KLF13: variants seen among roughly 807,000 people sequenced by gnomAD.
KLF13 encodes Krueppel-like factor 13.
KLF13 carries 8 observed loss-of-function variants against 16.7 expected under a neutral mutation model. That is an observed-to-expected ratio of 0.48 (90% CI 0.28 to 0.87). The LOEUF is 0.87. Among genes scored for constraint, KLF13 ranks in the 40% least tolerant of loss-of-function variants. The pLI is 0.10. For synonymous variants in KLF13, 245 were observed against 208.4 expected (o/e 1.18, Z -1.51); for missense variants, 447 against 452.2 (o/e 0.99, Z 0.10).
At chr15:31,328,438 C>T (rs967549949) in intron 1 of KLF13, among the ~76,000 whole-genome samples, 1 of 152,028 alleles carries the variant, frequency 6.6e-6, no homozygotes, top group Admixed American at 6.5e-5. Flanking sequence ...CCGCTCCCCG[C>T]CTGCGGCTCT....
chr15:31,359,751 C>T (rs2039352515), intron 1 of KLF13, among the ~76,000 whole-genome samples: 1 of 152,172 alleles, frequency 6.6e-6, no homozygotes, highest in Non-Finnish European at 1.5e-5. Flanking sequence ...GTCCACGTTC[C>T]CAGGGGCTGT....
At chr15:31,332,875 A>G (rs999213088) in intron 1 of KLF13, among the ~76,000 whole-genome samples, 3 of 152,192 alleles carry the variant, frequency 2.0e-5, no homozygotes, top group Admixed American at 2.0e-4. Flanking sequence ...GTCAACCAGC[A>G]CTGGAACAAG....
chr15:31,327,856 C>A, intron 1 of KLF13, 67 bp downstream of exon 1: 1 of 1,262,440 alleles, frequency 7.9e-7, no homozygotes. Flanking sequence ...CGACCACGCC[C>A]CCGGAGTCCC....
downstream of KLF13, among the ~76,000 whole-genome samples, chr15:31,409,517 AG>A (rs1213181047): frequency 1.3e-5 from 2 of 151,914 alleles, no homozygotes; most frequent in African/African-American, 2.4e-5. Context: ...AGAAAGAGAG[AG>A]AAAGGAGGAA....
chr15:31,330,157 G>A (rs994405679), intron 1 of KLF13, among the ~76,000 whole-genome samples: 1 of 152,180 alleles, frequency 6.6e-6, no homozygotes, highest in African/African-American at 2.4e-5. Context: ...TCTTGCAGAA[G>A]GGAGAAACCC....
At chr15:31,407,580 A>G (rs1403739898), downstream of KLF13, among the ~76,000 whole-genome samples, 1 of 152,222 alleles carries the variant, frequency 6.6e-6, no homozygotes, top group African/African-American at 2.4e-5. Context: ...TTAACCACCC[A>G]TGAACTCATT....
At chr15:31,334,420 TTTTC>T (rs750311289) in intron 1 of KLF13, among the ~76,000 whole-genome samples, 12 of 151,962 alleles carry the variant, frequency 7.9e-5, no homozygotes, top group South Asian at 4.1e-4. Flanking sequence ...CCTGTTTTTC[TTTTC>T]TTTCTTTCTT....
chr15:31,390,528 A>AC (rs1566831715), upstream of KLF13, among the ~76,000 whole-genome samples: 1 of 152,102 alleles, frequency 6.6e-6, no homozygotes, highest in Admixed American at 6.6e-5. Flanking sequence ...TTTTATTTTT[A>AC]CCATCTTCGA....
chr15:31,357,284 G>A (rs183642149), intron 1 of KLF13, among the ~76,000 whole-genome samples: 13 of 152,320 alleles, frequency 8.5e-5, no homozygotes, highest in East Asian at 1.9e-4. Flanking sequence ...AAGTCTTCTC[G>A]TTGCGTGGCC....
intron 1 of KLF13, among the ~76,000 whole-genome samples, chr15:31,363,444 T>C (rs541626954): frequency 2.4e-4 from 37 of 152,384 alleles, no homozygotes; most frequent in Admixed American, 3.3e-4. Flanking sequence ...TTATGGTGAC[T>C]TTGTTCATGG....
rs150151477 is a variant in KLF13 at position 31,334,071 on chromosome 15, C to T, written c.577+6282C>T. Among the ~76,000 whole-genome samples, 195 of 152,310 alleles carry T rather than the reference C, an allele frequency of 1.3e-3. 2 individuals carry two copies. The East Asian group carries it at 0.024, about 19-fold the overall frequency. ...TGGTTTCTACTCCATCTTCCAGCTT[C>T]CTTGACTGGAGAGATGTTGGGGGTT... is the stretch of plus-strand genomic sequence containing the variant. On this transcript the variant is annotated intron_variant, in intron 1 of 1. Transcript: ENST00000307145.
intron 2 of KLF13, among the ~76,000 whole-genome samples, chr15:31,399,634 C>G (rs1274394054): frequency 6.6e-6 from 1 of 152,262 alleles, no homozygotes. Flanking sequence ...GAAACCTGCA[C>G]TAACCTCCGC....
intron 1 of KLF13, among the ~76,000 whole-genome samples, chr15:31,430,169 T>C (rs2040455354): frequency 1.3e-5 from 2 of 152,184 alleles, no homozygotes; most frequent in African/African-American, 4.8e-5. Flanking sequence ...AAGAAACTTT[T>C]CTTCATCAAA....
chr15:31,341,846 G>T (rs1322734750), intron 1 of KLF13, among the ~76,000 whole-genome samples: 1 of 152,160 alleles, frequency 6.6e-6, no homozygotes, highest in African/African-American at 2.4e-5. Context: ...TCCAGCCTCA[G>T]CTTCTGCGTC....
intron 2 of KLF13, among the ~76,000 whole-genome samples, chr15:31,395,410 A>G (rs2039940942): frequency 6.6e-6 from 1 of 152,122 alleles, no homozygotes; most frequent in African/African-American, 2.4e-5. Context: ...TGCTATGAAC[A>G]TGTGTGTACA....
upstream of KLF13, among the ~76,000 whole-genome samples, chr15:31,389,354 C>T (rs2039832454): frequency 6.6e-6 from 1 of 152,194 alleles, no homozygotes. Flanking sequence ...CGTCAACAGG[C>T]TATCAGTAGT....
At chr15:31,342,687 C>A (rs1255395072) in intron 1 of KLF13, among the ~76,000 whole-genome samples, 1 of 152,224 alleles carries the variant, frequency 6.6e-6, no homozygotes, top group African/African-American at 2.4e-5. Context: ...TTTGGGCCAT[C>A]TGCGGATATA....
chr15:31,330,517 A>T (rs1272331329), intron 1 of KLF13, among the ~76,000 whole-genome samples: 1 of 152,206 alleles, frequency 6.6e-6, no homozygotes, highest in African/African-American at 2.4e-5. Context: ...GTCTTCAGGG[A>T]CATGAGGTCA....
chr15:31,387,141 G>A (rs886638804), intron 1 of KLF13, among the ~76,000 whole-genome samples: 1 of 152,218 alleles, frequency 6.6e-6, no homozygotes, highest in Non-Finnish European at 1.5e-5. Context: ...CAGGGTTTGA[G>A]AGGACCGACT....
Sources: gnomAD v4.1 joint callset for allele counts (sites outside exome capture counted in the v4.1 genomes callset) on GRCh38, gnomAD v4.1.1 for gene constraint, MANE v1.5 for transcripts, NCBI Gene and HGNC (gene_info 2026-07-23, HGNC 2026-07-21) for gene names.